Variants in PTCHD4 observed in about 807,000 individuals in gnomAD.
The protein encoded by PTCHD4 is patched domain-containing protein 4.
A neutral mutation model predicts 58.1 loss-of-function variants in PTCHD4; 33 were observed. The observed-to-expected ratio is 0.57, with a 90% CI of 0.43 to 0.76. The LOEUF is 0.76. Among genes scored for constraint, PTCHD4 ranks in the 30% least tolerant of loss-of-function variants. PTCHD4 has a pLI of 0.00. For missense variants in PTCHD4, 1,058 were observed against 1,027.1 expected (o/e 1.03, Z -0.41); for synonymous variants, 478 against 409.6 (o/e 1.17, Z -2.02).
chr6:48,089,100 C>A lies in PTCHD4; in HGVS notation c.-969-19174G>T, dbSNP rs543384834. 2.2e-4 allele frequency among the ~76,000 whole-genome samples: 33 copies of A among 152,184 alleles called. No individual in the cohort carries two copies. The South Asian group carries it at 6.8e-3, about 32-fold the overall frequency. On this transcript the variant is annotated intron_variant, in intron 1 of 4. Transcript: ENST00000339488. ...GGGGTAATCATTACTATGATGCAAGCTTTCCTATGTTGAAGACAGAGGTAC... is the reference window on the plus strand; with the variant it reads ...GGGGTAATCATTACTATGATGCAAGATTTCCTATGTTGAAGACAGAGGTAC...
At chr6:47,994,088 G>A (rs994155666) in intron 4 of PTCHD4, among the ~76,000 whole-genome samples, 8 of 152,176 alleles carry the variant, frequency 5.3e-5, no homozygotes, top group Admixed American at 2.0e-4. Flanking sequence ...ACTTTGACCT[G>A]TTTTTCCTTC....
chr6:48,072,031 C>T (rs941011539), intron 1 of PTCHD4, among the ~76,000 whole-genome samples: 12 of 152,120 alleles, frequency 7.9e-5, no homozygotes, highest in Non-Finnish European at 1.6e-4. Context: ...TGATGTGAAC[C>T]TTGATCACTC....
At chr6:47,972,192 A>G (rs1326727780) in intron 4 of PTCHD4, among the ~76,000 whole-genome samples, 1 of 152,182 alleles carries the variant, frequency 6.6e-6, no homozygotes, top group Non-Finnish European at 1.5e-5. Flanking sequence ...TAGAAAGTCA[A>G]TAGATGATGT....
At chr6:47,928,119 T>A (rs1765687912) in intron 4 of PTCHD4, among the ~76,000 whole-genome samples, 1 of 152,208 alleles carries the variant, frequency 6.6e-6, no homozygotes, top group Non-Finnish European at 1.5e-5. Context: ...ATCCAGTGGC[T>A]TTGTTTTTCT....
intron 4 of PTCHD4, among the ~76,000 whole-genome samples, chr6:47,918,403 T>C (rs1191479025): frequency 1.3e-5 from 2 of 152,114 alleles, no homozygotes; most frequent in African/African-American, 4.8e-5. Context: ...AATACAATGG[T>C]GTGGGATCCT....
intron 4 of PTCHD4, 79 bp from the exon 5 acceptor site, chr6:47,880,015 T>C (rs1221673923): frequency 1.8e-6 from 2 of 1,135,946 alleles, no homozygotes; most frequent in East Asian, 5.2e-5. Context: ...AGTTTATCTA[T>C]GCTAAATGGC....
At chr6:47,942,272 G>A (rs1211780543) in intron 4 of PTCHD4, among the ~76,000 whole-genome samples, 1 of 152,154 alleles carries the variant, frequency 6.6e-6, no homozygotes, top group Non-Finnish European at 1.5e-5. Flanking sequence ...ACCATCACTG[G>A]CATAAGCTTA....
chr6:47,915,725 T>G (rs7770420), intron 4 of PTCHD4, among the ~76,000 whole-genome samples: 249 of 152,224 alleles, frequency 1.6e-3, no homozygotes, highest in African/African-American at 5.3e-3. Context: ...ACCATCTTTA[T>G]TAGAACCATA....
intron 4 of PTCHD4, among the ~76,000 whole-genome samples, chr6:47,998,654 A>G (rs1344313555): frequency 6.6e-6 from 1 of 152,190 alleles, no homozygotes; most frequent in African/African-American, 2.4e-5. Flanking sequence ...AGTGCTATAT[A>G]ATAAAAAGTA....
intron 4 of PTCHD4, among the ~76,000 whole-genome samples, chr6:47,915,810 C>T (rs1356559792): frequency 2.0e-5 from 3 of 152,106 alleles, no homozygotes; most frequent in Admixed American, 2.0e-4. Flanking sequence ...GAGAACACCC[C>T]TAACTTCACA....
At chr6:48,064,424 A>G (rs1341300323) in intron 3 of PTCHD4, among the ~76,000 whole-genome samples, 1 of 152,158 alleles carries the variant, frequency 6.6e-6, no homozygotes, top group Non-Finnish European at 1.5e-5. Context: ...GTCGTTGCTT[A>G]AAGACTCTGA....
intron 3 of PTCHD4, among the ~76,000 whole-genome samples, chr6:48,052,918 C>T (rs1310248716): frequency 6.6e-6 from 1 of 152,034 alleles, no homozygotes; most frequent in Non-Finnish European, 1.5e-5. Context: ...GATTTGTGAA[C>T]CCACTGGACT....
intron 4 of PTCHD4, among the ~76,000 whole-genome samples, chr6:47,998,642 A>G (rs1255306682): frequency 6.6e-6 from 1 of 152,204 alleles, no homozygotes; most frequent in Non-Finnish European, 1.5e-5. Flanking sequence ...GCAGTGTTGG[A>G]CAGTGCTATA....
chr6:47,902,582 T>G (rs1764745742), intron 4 of PTCHD4, among the ~76,000 whole-genome samples: 1 of 152,212 alleles, frequency 6.6e-6, no homozygotes, highest in Non-Finnish European at 1.5e-5. Context: ...AGTGAAAAGT[T>G]CAACTAGAAG....
rs763468876 is a variant in PTCHD4 at position 47,878,755 on chromosome 6, G to A, written c.2080C>T (p.Leu694=). 1.2e-6 allele frequency: 2 copies of A among 1,613,620 alleles called. No individual in the cohort carries two copies. Among genetic ancestry groups the A allele is most frequent in the Non-Finnish European group, 1.7e-6 (2 of 1,179,754 alleles). ...AATGTCATTAAGCCCAGAACGCCCA[G>A]CTCAATTGAGGTGACGCTAAGAATT... ...WLILSVTSIE[L]GVLGLMTLWN... The change falls in exon 5 of 5, where the codon CTG becomes TTG. Residue 694 remains leucine, a synonymous_variant. Coordinates refer to ENST00000339488, the MANE Select transcript of PTCHD4 (RefSeq NM_001384253.1).
At chr6:48,062,722 T>C (rs1319516678) in intron 3 of PTCHD4, among the ~76,000 whole-genome samples, 1 of 152,124 alleles carries the variant, frequency 6.6e-6, no homozygotes, top group Non-Finnish European at 1.5e-5. Flanking sequence ...ATGATCAAAG[T>C]CTTTCAGTAG....
chr6:48,037,076 A>G (rs1199974881), intron 3 of PTCHD4, among the ~76,000 whole-genome samples: 1 of 152,148 alleles, frequency 6.6e-6, no homozygotes, highest in East Asian at 1.9e-4. Context: ...GTAGTAGCCT[A>G]AGTCTCTGTC....
chr6:47,992,404 T>C (rs879612384), intron 4 of PTCHD4, among the ~76,000 whole-genome samples: 1 of 152,196 alleles, frequency 6.6e-6, no homozygotes, highest in Admixed American at 6.5e-5. Context: ...CCAATTTACA[T>C]GTTATCACAA....
intron 4 of PTCHD4, chr6:47,901,677 C>A: frequency 8.7e-7 from 1 of 1,152,072 alleles, no homozygotes; most frequent in Non-Finnish European, 1.1e-6. Flanking sequence ...AAAGAAATAC[C>A]TGGAGGATAC....
Sources: allele counts gnomAD v4.1 joint callset (sites outside exome capture counted in the v4.1 genomes callset), GRCh38; gene constraint gnomAD v4.1.1; transcripts MANE v1.5; gene names NCBI Gene and HGNC (gene_info 2026-07-23, HGNC 2026-07-21).